MNAT1: variants seen among roughly 807,000 people sequenced by gnomAD.
MNAT1 encodes MNAT1 component of CDK activating kinase, also known as CDK-activating kinase assembly factor MAT1.
A neutral mutation model predicts 42.0 loss-of-function variants in MNAT1; 43 were observed. That is an observed-to-expected ratio of 1.02 (90% CI 0.80 to 1.32). The LOEUF (loss-of-function observed/expected upper bound fraction) is 1.32. Ranked by LOEUF, MNAT1 falls within the 40% of genes most tolerant of loss-of-function variation. MNAT1 has a pLI of 0.00. For missense variants in MNAT1, 306 were observed against 350.4 expected (o/e 0.87, Z 1.01); for synonymous variants, 118 against 120.0 (o/e 0.98, Z 0.11).
At chr14:60,870,631 T>G (rs2034306993) in intron 6 of MNAT1, among the ~76,000 whole-genome samples, 1 of 152,148 alleles carries the variant, frequency 6.6e-6, no homozygotes, top group African/African-American at 2.4e-5. Context: ...TGAGTTTATT[T>G]TATATTTCTA....
intron 7 of MNAT1, among the ~76,000 whole-genome samples, chr14:60,929,139 T>C (rs2035825382): frequency 3.3e-5 from 3 of 90,820 alleles, no homozygotes; most frequent in African/African-American, 8.7e-5. Context: ...AGAGTGAGAC[T>C]CCATCTCCCA....
intron 7 of MNAT1, among the ~76,000 whole-genome samples, chr14:60,959,012 A>G (rs990349276): frequency 1.5e-4 from 23 of 152,100 alleles, no homozygotes; most frequent in African/African-American, 5.6e-4. Context: ...TTAACCTCCC[A>G]GGCTCAAGTG....
chr14:60,920,555 G>GATTACAGGTGCCCACCTGTAATC (rs2035635916), intron 7 of MNAT1, among the ~76,000 whole-genome samples: 1 of 151,936 alleles, frequency 6.6e-6, no homozygotes, highest in East Asian at 1.9e-4. Context: ...GAGTAGCTGG[G>GATTACAGGTGCCCACCTGTAATC]ATTACAGGTG....
chr14:60,772,891 GTTTT>G (rs565854381), intron 1 of MNAT1, among the ~76,000 whole-genome samples: 19 of 142,498 alleles, frequency 1.3e-4, no homozygotes, highest in Non-Finnish European at 2.6e-4. Flanking sequence ...AAGAGCTGCT[GTTTT>G]TTTTTTTTAA....
At chr14:60,958,616 C>CTTGT (rs1555339147) in intron 7 of MNAT1, among the ~76,000 whole-genome samples, 4 of 20,244 alleles carry the variant, frequency 2.0e-4, no homozygotes, top group African/African-American at 3.8e-4. Flanking sequence ...TTTCTTTTTC[C>CTTGT]TTCTTTCGAG....
At chr14:60,812,787 G>A (rs2032593225) in intron 5 of MNAT1, among the ~76,000 whole-genome samples, 1 of 152,092 alleles carries the variant, frequency 6.6e-6, no homozygotes, top group Admixed American at 6.6e-5. Context: ...CCTGACTTCG[G>A]GGAAGACGAC....
chr14:60,940,033 T>C (rs988144397), intron 7 of MNAT1, among the ~76,000 whole-genome samples: 1 of 152,230 alleles, frequency 6.6e-6, no homozygotes, highest in Non-Finnish European at 1.5e-5. Context: ...AAGTCTGTTT[T>C]ATGAGAGACT....
At chr14:60,939,338 A>G (rs2036083451) in intron 7 of MNAT1, among the ~76,000 whole-genome samples, 1 of 152,050 alleles carries the variant, frequency 6.6e-6, no homozygotes, top group Non-Finnish European at 1.5e-5. Context: ...TGTGAATTTT[A>G]GATCTTTCCT....
intron 6 of MNAT1, among the ~76,000 whole-genome samples, chr14:60,844,561 G>A (rs1337270772): frequency 1.6e-4 from 24 of 151,968 alleles, no homozygotes. Flanking sequence ...CGTGCGATGA[G>A]CTTTTCTATT....
At chr14:60,926,990 A>G (rs1594881083) in intron 7 of MNAT1, among the ~76,000 whole-genome samples, 1 of 152,194 alleles carries the variant, frequency 6.6e-6, no homozygotes, top group South Asian at 2.1e-4. Context: ...AATGGAGTCA[A>G]AGACCAAATA....
rs149899467 is a variant in MNAT1 at position 60,842,022 on chromosome 14, C to T, written c.687+23175C>T. 1.7e-3 allele frequency among the ~76,000 whole-genome samples: 265 copies of T among 152,306 alleles called. 1 individual carries two copies. Among genetic ancestry groups the T allele is most frequent in the African/African-American group, 6.0e-3 (251 of 41,560 alleles). On this transcript the variant is annotated intron_variant, in intron 6 of 7. Coordinates refer to ENST00000261245, the MANE Select transcript of MNAT1 (RefSeq NM_002431.4). ...ACTCATGTGCAGCTCAAAACCCAGA[C>T]AAAAGTTGAGGACATCACTGTGAAA...
chr14:60,756,608 G>A (rs2030360385), intron 1 of MNAT1, among the ~76,000 whole-genome samples: 1 of 152,120 alleles, frequency 6.6e-6, no homozygotes, highest in South Asian at 2.1e-4. Context: ...CTGCCAACTG[G>A]AAATCAATTA....
At chr14:60,918,314 T>A (rs1166299242) in intron 7 of MNAT1, among the ~76,000 whole-genome samples, 3 of 138,944 alleles carry the variant, frequency 2.2e-5, no homozygotes. Context: ...GTTCACGCCA[T>A]TCTCCTGCCT....
At chr14:60,834,425 C>G (rs977499198) in intron 6 of MNAT1, among the ~76,000 whole-genome samples, 12 of 152,174 alleles carry the variant, frequency 7.9e-5, no homozygotes, top group Non-Finnish European at 1.8e-4. Flanking sequence ...ACCCAGTAGT[C>G]ATTCAGGAGC....
rs765751409 is a variant in MNAT1 at position 60,879,823 on chromosome 14, T to C, written c.797T>C (p.Leu266Pro). The C allele has an allele frequency of 2.7e-5, 44 of 1,612,682 alleles. No individual in the cohort carries two copies. Among genetic ancestry groups the C allele is most frequent in the Non-Finnish European group, 3.6e-5 (42 of 1,179,296 alleles). ...YGPHVPELEM[L>P]GRLGYLNHVR... ...CCACATGTTCCTGAGCTTGAGATGC[T>C]AGGAAGACTTGGGTATGTGTCCTAA... is the stretch of plus-strand genomic sequence containing the variant. Residue 266 changes from leucine to proline, a missense_variant, in exon 7 of 8, where the codon CTA becomes CCA. By Grantham distance (98) the Leu-to-Pro change is moderately conservative. Around this residue, in one of 3 missense-constraint regions of MNAT1, gnomAD observed 116 missense variants for 139.6 expected, o/e 0.83. Transcript: ENST00000261245.
chr14:60,848,777 GGAC>G (rs2033744595), intron 6 of MNAT1, among the ~76,000 whole-genome samples: 1 of 151,930 alleles, frequency 6.6e-6, no homozygotes, highest in Non-Finnish European at 1.5e-5. Flanking sequence ...CTTTTCTGGA[GGAC>G]TATATAATCT....
intron 1 of MNAT1, among the ~76,000 whole-genome samples, chr14:60,750,960 T>G (rs533331283): frequency 1.1e-4 from 16 of 152,356 alleles, no homozygotes; most frequent in African/African-American, 3.8e-4. Context: ...TATGAAAGTT[T>G]GTGCAAAAGT....
chr14:60,899,998 A>C (rs2035038985), intron 7 of MNAT1, among the ~76,000 whole-genome samples: 1 of 150,992 alleles, frequency 6.6e-6, no homozygotes, highest in South Asian at 2.1e-4. Flanking sequence ...AAGAAGGTGA[A>C]GTTAATAAAT....
At chr14:60,751,950 T>C (rs2030113642) in intron 1 of MNAT1, among the ~76,000 whole-genome samples, 1 of 152,178 alleles carries the variant, frequency 6.6e-6, no homozygotes, top group Admixed American at 6.5e-5. Flanking sequence ...TTCAGGTAAC[T>C]GAAGCAAACT....
Sources: gnomAD v4.1 joint callset for allele counts (sites outside exome capture counted in the v4.1 genomes callset) on GRCh38, gnomAD v4.1.1 for gene constraint, gnomAD v4.1.1 regional missense constraint, MANE v1.5 for transcripts, NCBI Gene and HGNC (gene_info 2026-07-23, HGNC 2026-07-21) for gene names.